SPATA17: variants seen among roughly 807,000 people sequenced by gnomAD.
The protein encoded by SPATA17 is spermatogenesis associated 17, also known as spermatogenesis-associated protein 17.
A neutral mutation model predicts 62.2 loss-of-function variants in SPATA17; 53 were observed. The observed-to-expected ratio is 0.85, with a 90% CI of 0.68 to 1.07. The LOEUF (loss-of-function observed/expected upper bound fraction) is 1.07. SPATA17 is among the 50% of genes least tolerant of loss of function. SPATA17 has a pLI of 0.00. For missense variants in SPATA17, 466 were observed against 425.5 expected (o/e 1.10, Z -0.84); for synonymous variants, 146 against 146.8 (o/e 0.99, Z 0.04).
At chr1:217,664,136 G>A (rs1163815056) in intron 3 of SPATA17, among the ~76,000 whole-genome samples, 1 of 152,042 alleles carries the variant, frequency 6.6e-6, no homozygotes, top group Non-Finnish European at 1.5e-5. Context: ...GAGAATATAA[G>A]GCTAAACTGA....
At chr1:217,703,656 G>A (rs1671655440) in intron 5 of SPATA17, among the ~76,000 whole-genome samples, 1 of 152,008 alleles carries the variant, frequency 6.6e-6, no homozygotes, top group South Asian at 2.1e-4. Flanking sequence ...CTGATGAGCT[G>A]CCTTAATTTT....
intron 5 of SPATA17, among the ~76,000 whole-genome samples, chr1:217,716,278 G>C (rs1672000451): frequency 6.6e-6 from 1 of 152,128 alleles, no homozygotes. Flanking sequence ...AATTAATAAA[G>C]AATAGAAACG....
At chr1:217,687,707 G>A (rs546728676) in intron 5 of SPATA17, among the ~76,000 whole-genome samples, 3 of 152,218 alleles carry the variant, frequency 2.0e-5, no homozygotes, top group Non-Finnish European at 2.9e-5. Context: ...ATGTATGCAC[G>A]ATGATGAAAT....
chr1:217,686,680 A>G (rs1251101048), intron 5 of SPATA17, among the ~76,000 whole-genome samples: 18 of 152,222 alleles, frequency 1.2e-4, no homozygotes, highest in Admixed American at 1.1e-3. Flanking sequence ...ATAAAAAGTC[A>G]TCTATAATTT....
intron 5 of SPATA17, among the ~76,000 whole-genome samples, chr1:217,704,160 G>A (rs1008216090): frequency 9.3e-5 from 13 of 139,508 alleles, no homozygotes; most frequent in South Asian, 7.3e-4. Flanking sequence ...AGATTTTTTC[G>A]CCACCCAGAT....
intron 3 of SPATA17, among the ~76,000 whole-genome samples, chr1:217,656,775 A>G (rs1232624879): frequency 6.6e-6 from 1 of 152,134 alleles, no homozygotes; most frequent in Non-Finnish European, 1.5e-5. Flanking sequence ...TATTACACCA[A>G]CCCTATGAAT....
At chr1:217,779,644 T>C (rs567603301) in intron 7 of SPATA17, among the ~76,000 whole-genome samples, 7 of 152,130 alleles carry the variant, frequency 4.6e-5, no homozygotes, top group Non-Finnish European at 7.4e-5. Flanking sequence ...CCTTTTTTTT[T>C]CCCAAAATGG....
At chr1:217,855,209 G>A (rs1160065994) in intron 9 of SPATA17, among the ~76,000 whole-genome samples, 1 of 152,128 alleles carries the variant, frequency 6.6e-6, no homozygotes, top group African/African-American at 2.4e-5. Flanking sequence ...TTTTCCCACA[G>A]ATTAACTACA....
intron 4 of SPATA17, among the ~76,000 whole-genome samples, chr1:217,671,051 A>C (rs193227720): frequency 6.6e-6 from 1 of 152,226 alleles, no homozygotes; most frequent in African/African-American, 2.4e-5. Flanking sequence ...AAAAGAAAAA[A>C]GTTACTCTTC....
At chr1:217,735,715 G>A (rs995886679) in intron 5 of SPATA17, among the ~76,000 whole-genome samples, 3 of 152,094 alleles carry the variant, frequency 2.0e-5, no homozygotes, top group South Asian at 2.1e-4. Context: ...TACAGGAAAC[G>A]ATGGAGGTTT....
chr1:217,804,029 A>T (rs893988064), intron 9 of SPATA17, among the ~76,000 whole-genome samples: 19 of 152,162 alleles, frequency 1.2e-4, no homozygotes, highest in Non-Finnish European at 2.6e-4. Flanking sequence ...AGAGGAAAAA[A>T]AAAAAGAAGA....
At chr1:217,730,798 A>T (rs7551547) in intron 5 of SPATA17, among the ~76,000 whole-genome samples, 8 of 152,084 alleles carry the variant, frequency 5.3e-5, no homozygotes, top group African/African-American at 1.9e-4. Flanking sequence ...TTTTAAAAAA[A>T]CTCTGTGATA....
intron 1 of SPATA17, among the ~76,000 whole-genome samples, chr1:217,642,223 T>A (rs1301698290): frequency 6.6e-6 from 1 of 152,218 alleles, no homozygotes; most frequent in Non-Finnish European, 1.5e-5. Context: ...TGGAATATTC[T>A]TTTTTCCTTT....
At chr1:217,786,569 A>C (rs1360227617) in intron 8 of SPATA17, among the ~76,000 whole-genome samples, 1 of 152,172 alleles carries the variant, frequency 6.6e-6, no homozygotes. Flanking sequence ...CCTATAGGTA[A>C]TGGAAAATTA....
chr1:217,761,351 CTTG>C (rs151304526), intron 6 of SPATA17, among the ~76,000 whole-genome samples: 23 of 152,234 alleles, frequency 1.5e-4, no homozygotes, highest in Non-Finnish European at 2.9e-4. Flanking sequence ...ACTTTGCACT[CTTG>C]TTGTTTTCTG....
At chr1:217,667,283 G>A (rs1287913567) in intron 3 of SPATA17, among the ~76,000 whole-genome samples, 11 of 151,766 alleles carry the variant, frequency 7.2e-5, no homozygotes, top group African/African-American at 2.4e-4. Context: ...TCCTGACCTC[G>A]TGAGTCGCCT....
At chr1:217,795,341 G>A (rs995181997) in intron 8 of SPATA17, among the ~76,000 whole-genome samples, 4 of 147,704 alleles carry the variant, frequency 2.7e-5, no homozygotes, top group Non-Finnish European at 6.0e-5. Context: ...ACATAGCAGT[G>A]AGCAAGACAG....
At chr1:217,688,441 A>G (rs1450334262) in intron 5 of SPATA17, among the ~76,000 whole-genome samples, 1 of 152,170 alleles carries the variant, frequency 6.6e-6, no homozygotes, top group Non-Finnish European at 1.5e-5. Flanking sequence ...CCATTCTTCA[A>G]AACAGTGTTA....
At chr1:217,641,678 C>A (rs1670066146) in intron 1 of SPATA17, among the ~76,000 whole-genome samples, 1 of 151,992 alleles carries the variant, frequency 6.6e-6, no homozygotes, top group African/African-American at 2.4e-5. Flanking sequence ...AGAGAAATAA[C>A]AAGTATAATA....
Sources: allele counts gnomAD v4.1 joint callset (sites outside exome capture counted in the v4.1 genomes callset), GRCh38; gene constraint gnomAD v4.1.1; transcripts MANE v1.5; gene names NCBI Gene and HGNC (gene_info 2026-07-23, HGNC 2026-07-21).